Variants in NEK7 observed in about 807,000 individuals in gnomAD.
The protein encoded by NEK7 is serine/threonine-protein kinase Nek7.
A neutral mutation model predicts 44.6 loss-of-function variants in NEK7; 18 were observed. The observed-to-expected ratio is 0.40, with a 90% CI of 0.28 to 0.60. The LOEUF (loss-of-function observed/expected upper bound fraction) is 0.60. NEK7 is among the 20% of genes least tolerant of loss of function. The pLI is 0.38. For synonymous variants in NEK7, 130 were observed against 121.1 expected, an observed-to-expected ratio of 1.07 and a Z score of -0.48; for missense variants, 256 against 366.5, an observed-to-expected ratio of 0.70 and a Z score of 2.46.
intron 1 of NEK7, among the ~76,000 whole-genome samples, chr1:198,201,636 TG>T (rs1665431973): frequency 6.6e-6 from 1 of 152,258 alleles, no homozygotes; most frequent in Admixed American, 6.5e-5. Flanking sequence ...AGGAATTGGC[TG>T]TAGCTGAAGG....
At chr1:198,240,450 G>A (rs1010023665) in intron 2 of NEK7, among the ~76,000 whole-genome samples, 2 of 148,608 alleles carry the variant, frequency 1.3e-5, no homozygotes, top group South Asian at 2.1e-4. Context: ...ATAGTCTTCC[G>A]TCTTCCAACT....
At chr1:198,301,930 G>A (rs1654897540) in intron 9 of NEK7, among the ~76,000 whole-genome samples, 1 of 152,160 alleles carries the variant, frequency 6.6e-6, no homozygotes, top group Admixed American at 6.5e-5. Context: ...TACAATATTT[G>A]TGGTTATTGT....
At chr1:198,223,175 T>C (rs1666118901) in intron 1 of NEK7, among the ~76,000 whole-genome samples, 1 of 152,208 alleles carries the variant, frequency 6.6e-6, no homozygotes, top group South Asian at 2.1e-4. Context: ...GAGAGCGTTA[T>C]AATTTGATTT....
chr1:198,159,330 G>A (rs1347447982), intron 1 of NEK7, among the ~76,000 whole-genome samples: 1 of 152,018 alleles, frequency 6.6e-6, no homozygotes. Context: ...AGGAGGAGGG[G>A]GGCTTCAGTT....
At chr1:198,295,402 C>T (rs767457091) in intron 8 of NEK7, among the ~76,000 whole-genome samples, 9 of 151,976 alleles carry the variant, frequency 5.9e-5, no homozygotes, top group South Asian at 4.2e-4. Flanking sequence ...ATCATTCTAG[C>T]GATCGTCTCA....
chr1:198,253,807 A>G (rs780322191), intron 3 of NEK7, among the ~76,000 whole-genome samples: 1 of 152,112 alleles, frequency 6.6e-6, no homozygotes, highest in Non-Finnish European at 1.5e-5. Flanking sequence ...CTGGAGTTGC[A>G]GTCCAACTGA....
chr1:198,199,286 T>C (rs1215620681), intron 1 of NEK7, among the ~76,000 whole-genome samples: 1 of 152,226 alleles, frequency 6.6e-6, no homozygotes, highest in Admixed American at 6.5e-5. Flanking sequence ...GGAAGTGGTG[T>C]AGACCTTTGT....
chr1:198,301,404 G>A (rs537710361), intron 9 of NEK7, among the ~76,000 whole-genome samples: 8 of 152,270 alleles, frequency 5.3e-5, no homozygotes, highest in Admixed American at 6.5e-5. Flanking sequence ...CAACAAATTA[G>A]CCGGGCGTGG....
At chr1:198,317,964 T>C (rs1655424954) in intron 9 of NEK7, among the ~76,000 whole-genome samples, 1 of 135,650 alleles carries the variant, frequency 7.4e-6, no homozygotes, top group African/African-American at 2.7e-5. Flanking sequence ...CATAATAAAA[T>C]GCTTTGTGTA....
intron 6 of NEK7, 43 bp downstream of exon 6, chr1:198,278,112 A>G (rs931163651): frequency 7.6e-6 from 8 of 1,054,642 alleles, no homozygotes; most frequent in Admixed American, 5.4e-5. Flanking sequence ...GTTTTAAATG[A>G]TGTAAGTTCT....
At chr1:198,246,840 T>C (rs540580694) in intron 2 of NEK7, among the ~76,000 whole-genome samples, 4 of 152,336 alleles carry the variant, frequency 2.6e-5, no homozygotes, top group African/African-American at 9.6e-5. Context: ...GCTGTTGAGA[T>C]TGACAAATCT....
At chr1:198,215,035 TA>T (rs1558060046) in intron 1 of NEK7, among the ~76,000 whole-genome samples, 1 of 152,168 alleles carries the variant, frequency 6.6e-6, no homozygotes, top group African/African-American at 2.4e-5. Context: ...TTAGTCTCCT[TA>T]AAAAGAATAA....
chr1:198,229,936 T>C (rs543063932), intron 1 of NEK7, among the ~76,000 whole-genome samples: 1 of 152,296 alleles, frequency 6.6e-6, no homozygotes, highest in Non-Finnish European at 1.5e-5. Flanking sequence ...GCAAAACCAC[T>C]TTATTATAAC....
intron 7 of NEK7, among the ~76,000 whole-genome samples, chr1:198,284,727 A>G (rs1654316631): frequency 6.6e-6 from 1 of 152,162 alleles, no homozygotes. Context: ...AGAGATAAGT[A>G]TCTTAATCAT....
In NEK7 at chr1:198,321,689, T is replaced by C. The variant is rs1413562608; in HGVS notation, c.*2167T>C. On this transcript the variant is annotated 3_prime_UTR_variant, in exon 10 of 10. Transcript: ENST00000367385. ...TTCGAATATTGTATCTTTTTAAATCTAAATGTTCATATTTTTCCTGAAGAA... is the reference window on the plus strand; with the variant it reads ...TTCGAATATTGTATCTTTTTAAATCCAAATGTTCATATTTTTCCTGAAGAA... 3.9e-5 allele frequency: 6 copies of C among 152,166 alleles called. No homozygotes were observed. The highest frequency in any genetic ancestry group is 8.8e-5 in the Non-Finnish European group (6 of 67,984). 9.4% of individuals were successfully genotyped at this position (152,166 alleles called of 1,614,324 possible).
chr1:198,192,574 T>G (rs553595849), intron 1 of NEK7, among the ~76,000 whole-genome samples: 2 of 152,222 alleles, frequency 1.3e-5, no homozygotes, highest in African/African-American at 4.8e-5. Flanking sequence ...TGTGTAGTAC[T>G]TCTCAGCAAA....
At chr1:198,291,413 C>A (rs1028306356) in intron 7 of NEK7, among the ~76,000 whole-genome samples, 1 of 152,142 alleles carries the variant, frequency 6.6e-6, no homozygotes, top group Admixed American at 6.6e-5. Context: ...ACTCCCAAAG[C>A]TAGATAGCTT....
At chr1:198,191,018 A>G (rs1315333234) in intron 1 of NEK7, among the ~76,000 whole-genome samples, 1 of 152,100 alleles carries the variant, frequency 6.6e-6, no homozygotes, top group Non-Finnish European at 1.5e-5. Context: ...ACAAGTAGTA[A>G]CATCAACACT....
rs1408753412 is a variant in NEK7 at position 198,321,807 on chromosome 1, T to C, written c.*2285T>C. The C allele has an allele frequency of 6.6e-6, 1 of 152,156 alleles. No homozygotes were observed. The highest frequency in any genetic ancestry group is 1.5e-5 in the Non-Finnish European group (1 of 67,962). 9.4% of individuals were successfully genotyped at this position (152,156 alleles called of 1,614,324 possible). A position where few individuals can be genotyped will look rare whatever the true frequency, so the allele number is the denominator to read the frequency against. ...AAGCTCTAATTTATATAGTCACCTA[T>C]AAAATGTTCTTTATATGTGTTCATA... On this transcript the variant is annotated 3_prime_UTR_variant, in exon 10 of 10. Coordinates refer to ENST00000367385, the MANE Select transcript of NEK7 (RefSeq NM_133494.3).
Sources: allele counts gnomAD v4.1 joint callset (sites outside exome capture counted in the v4.1 genomes callset), GRCh38; gene constraint gnomAD v4.1.1; transcripts MANE v1.5; gene names NCBI Gene and HGNC (gene_info 2026-07-23, HGNC 2026-07-21).